The following GDF2 variants were observed in gnomAD, a reference collection of about 807,000 sequenced individuals.
GDF2 encodes the protein growth/differentiation factor 2.
Under a neutral mutation model 16.9 loss-of-function variants are expected in GDF2, and 17 were observed. The observed-to-expected ratio is 1.00, with a 90% CI of 0.69 to 1.51. The LOEUF (loss-of-function observed/expected upper bound fraction) is 1.51. GDF2 is among the 40% of genes most tolerant of loss of function. The probability of loss-of-function intolerance (pLI) is 0.00; values close to 1 mark genes in which losing one functional copy is unlikely to be tolerated. For synonymous variants in GDF2, 276 were observed against 237.6 expected, an observed-to-expected ratio of 1.16 and a Z score of -1.49; for missense variants, 523 against 556.3, an observed-to-expected ratio of 0.94 and a Z score of 0.60.
Position 47,325,030 on chromosome 10 carries a change from C to T in GDF2, c.536C>T (p.Thr179Ile). The T allele has an allele frequency of 6.2e-7, 1 of 1,614,096 alleles. No individual in the cohort carries two copies. Among genetic ancestry groups the T allele is most frequent in the Non-Finnish European group, 8.5e-7 (1 of 1,180,032 alleles). ...SVVIYDVLDG[T>I]DAWDSATETK... ...GTCATTTATGATGTTCTGGATGGAACAGATGCCTGGGATAGTGCTACAGAG... is the reference window on the plus strand; with the variant it reads ...GTCATTTATGATGTTCTGGATGGAATAGATGCCTGGGATAGTGCTACAGAG... The change falls in exon 2 of 2, where the codon ACA (threonine) becomes ATA (isoleucine). Residue 179 changes from threonine (T) to isoleucine (I), a missense_variant. By Grantham distance (89) the Thr-to-Ile change is moderately conservative (BLOSUM62 -1). Transcript: ENST00000581492.
intron 1 of GDF2, among the ~76,000 whole-genome samples, chr10:47,324,073 A>C (rs542354601): frequency 2.6e-4 from 40 of 152,392 alleles, no homozygotes; most frequent in Admixed American, 5.2e-4. Flanking sequence ...TGAACCAGCC[A>C]TTGTATAGCA....
At position 47,326,048 on chromosome 10, in the gene GDF2, G is replaced by T; in HGVS notation, c.*264G>T. 2 of 390,862 alleles carry T rather than the reference G, an allele frequency of 5.1e-6. No homozygotes were observed. The highest frequency in any genetic ancestry group is 4.6e-6 in the Non-Finnish European group (1 of 218,748). 24.2% of individuals were successfully genotyped at this position (390,862 alleles called of 1,614,324 possible). ...AAGGAGGTGATGAAAAGGAGACAGG[G>T]GGAAAAATAATCCATAGTCAGCAGA... On this transcript the variant is annotated 3_prime_UTR_variant, in exon 2 of 2. Coordinates refer to ENST00000581492, the MANE Select transcript of GDF2 (RefSeq NM_016204.4).
At position 47,325,828 on chromosome 10, in the gene GDF2, A is replaced by G; in HGVS notation, c.*44A>G. 7.4e-7 allele frequency: 1 copy of G among 1,355,636 alleles called. No homozygotes were observed. The allele number at this position is 1,355,636 out of a possible 1,614,324, so 84.0% of individuals were successfully genotyped here. Reference sequence around the variant, plus strand: ...GGGAGGCAGGCCAAAGGGGCTCCACATGAGAGGTCCTGCATGCCCCTGGGC... The same window carrying G: ...GGGAGGCAGGCCAAAGGGGCTCCACGTGAGAGGTCCTGCATGCCCCTGGGC... On this transcript the variant is annotated 3_prime_UTR_variant, in exon 2 of 2. Coordinates refer to ENST00000581492, the MANE Select transcript of GDF2 (RefSeq NM_016204.4).
In GDF2 at chr10:47,325,303, T is replaced by C; in HGVS notation, c.809T>C (p.Leu270Pro). The C allele has an allele frequency of 6.2e-7, 1 of 1,614,152 alleles. No homozygotes were observed. The change falls in exon 2 of 2, where the codon CTG becomes CCG. Residue 270 changes from leucine to proline, a missense_variant. Transcript: ENST00000581492. ...AGCAGTGGGACCAAGGAGACCAGGC[T>C]GGAGCTGAGGGAGATGATCAGCCAT... ...DHSSGTKETR[L>P]ELREMISHEQ... is the part of the protein sequence containing the mutation.
rs1382998864 is a variant in GDF2, at chr10:47,326,446, G to A, written c.*662G>A. Among the ~76,000 whole-genome samples the A allele has an allele frequency of 1.3e-5, 2 of 152,228 alleles. No homozygotes were observed. Among genetic ancestry groups the A allele is most frequent in the African/African-American group, 4.8e-5 (2 of 41,456 alleles). On this transcript the variant is annotated 3_prime_UTR_variant, in exon 2 of 2. Coordinates refer to ENST00000581492, the MANE Select transcript of GDF2 (RefSeq NM_016204.4). ...GAGTGTTGAGGCCAGGCCAGGCTGAGGCCCATCAGTCACAGGTGTGACTGG... is the reference window on the plus strand; with the variant it reads ...GAGTGTTGAGGCCAGGCCAGGCTGAAGCCCATCAGTCACAGGTGTGACTGG...
chr10:47,325,144 C>T lies in GDF2; in HGVS notation c.650C>T (p.Ser217Phe). The T allele has an allele frequency of 6.2e-7, 1 of 1,613,874 alleles. No homozygotes were observed. Among genetic ancestry groups the T allele is most frequent in the Non-Finnish European group, 8.5e-7 (1 of 1,180,036 alleles). Reference protein sequence around the residue: ...VSSAVKRWVRSDSTKSKNKLE... With the variant: ...VSSAVKRWVRFDSTKSKNKLE... ...AGCGCCGTGAAGCGCTGGGTCCGGTCCGACTCCACCAAGAGCAAAAATAAG... is the reference window on the plus strand; with the variant it reads ...AGCGCCGTGAAGCGCTGGGTCCGGTTCGACTCCACCAAGAGCAAAAATAAG... Residue 217 changes from serine (S) to phenylalanine (F), a missense_variant, in exon 2 of 2, where the codon TCC (serine) becomes TTC (phenylalanine). Coordinates refer to ENST00000581492, the MANE Select transcript of GDF2 (RefSeq NM_016204.4).
chr10:47,325,292 G>A lies in GDF2; in HGVS notation c.798G>A (p.Lys266=). ...VFSNDHSSGT[K]ETRLELREMI... ...CCAATGACCACAGCAGTGGGACCAA[G>A]GAGACCAGGCTGGAGCTGAGGGAGA... Residue 266 remains lysine (K), a synonymous_variant, in exon 2 of 2, where the codon AAG becomes AAA. Coordinates refer to ENST00000581492, the MANE Select transcript of GDF2 (RefSeq NM_016204.4). The A allele has an allele frequency of 6.2e-7, 1 of 1,614,216 alleles. No individual in the cohort carries two copies. The highest frequency in any genetic ancestry group is 8.5e-7 in the Non-Finnish European group (1 of 1,180,048).
At position 47,325,725 on chromosome 10, in the gene GDF2, G is replaced by A; in HGVS notation, c.1231G>A (p.Val411Met). The A allele has an allele frequency of 6.3e-7, 1 of 1,581,214 alleles. No individual in the cohort carries two copies. The highest frequency in any genetic ancestry group is 8.6e-7 in the Non-Finnish European group (1 of 1,161,794). ...ISVLYKDDMG[V>M]PTLKYHYEGM... is the part of the protein sequence containing the mutation. ...CGTCCTCTACAAGGATGACATGGGG[G>A]TGCCCACCCTCAAGTACCATTACGA... Residue 411 changes from valine to methionine, a missense_variant, in exon 2 of 2, where the codon GTG becomes ATG. Coordinates refer to ENST00000581492, the MANE Select transcript of GDF2 (RefSeq NM_016204.4).
At position 47,325,919 on chromosome 10, in the gene GDF2, C is replaced by A. The variant is rs192292614; in HGVS notation, c.*135C>A. On this transcript the variant is annotated 3_prime_UTR_variant, in exon 2 of 2. Transcript: ENST00000581492. ...GGAAAGGGAGCCTGCTCTCCCTCCC[C>A]ACACCCCACCCAAAGCATACACCGC... 1.7e-4 allele frequency: 111 copies of A among 634,506 alleles called. 1 individual carries two copies. The Middle Eastern group carries it at 2.2e-3, about 12-fold the overall frequency. 39.3% of individuals were successfully genotyped at this position (634,506 alleles called of 1,614,324 possible).
At chr10:47,323,816 G>T (rs1332365126) in intron 1 of GDF2, among the ~76,000 whole-genome samples, 1 of 152,220 alleles carries the variant, frequency 6.6e-6, no homozygotes, top group Non-Finnish European at 1.5e-5. Context: ...TGCAGAGCTG[G>T]CTTTTCCTGC....
In GDF2 at chr10:47,322,475, C is replaced by T. The variant is rs1334633838; in HGVS notation, c.-194C>T. 1 of 510,132 alleles carries T rather than the reference C, an allele frequency of 2.0e-6. No homozygotes were observed. The allele number at this position is 510,132 out of a possible 1,614,324, so 31.6% of individuals were successfully genotyped here. On this transcript the variant is annotated 5_prime_UTR_variant, in exon 1 of 2. Coordinates refer to ENST00000581492, the MANE Select transcript of GDF2 (RefSeq NM_016204.4). ...CCTCAGATAAGACGTCGGAGCGCGG[C>T]ATCGAGGACCAGATAAGCACAAGTG...
Position 47,326,032 on chromosome 10 carries a change from A to T in GDF2, c.*248A>T. 2.4e-6 allele frequency: 1 copy of T among 415,814 alleles called. No individual in the cohort carries two copies. The highest frequency in any genetic ancestry group is 4.3e-6 in the Non-Finnish European group (1 of 235,112). 25.8% of individuals were successfully genotyped at this position (415,814 alleles called of 1,614,324 possible). ...AGGGTTGTTGGGATGCAAGGAGGTGATGAAAAGGAGACAGGGGGAAAAATA... is the reference window on the plus strand; with the variant it reads ...AGGGTTGTTGGGATGCAAGGAGGTGTTGAAAAGGAGACAGGGGGAAAAATA... On this transcript the variant is annotated 3_prime_UTR_variant, in exon 2 of 2. Transcript: ENST00000581492.
chr10:47,324,918 C>T lies in GDF2; in HGVS notation c.424C>T (p.His142Tyr). Reference protein sequence around the residue: ...ILLFNISIPRHEQITRAELRL... With the variant: ...ILLFNISIPRYEQITRAELRL... ...GCTCTTCAACATCTCCATTCCTAGGCATGAGCAGATCACCAGAGCTGAGCT... is the reference window on the plus strand; with the variant it reads ...GCTCTTCAACATCTCCATTCCTAGGTATGAGCAGATCACCAGAGCTGAGCT... Residue 142 changes from histidine (H) to tyrosine (Y), a missense_variant, in exon 2 of 2, where the codon CAT (histidine) becomes TAT (tyrosine). By Grantham distance (83) the His-to-Tyr change is moderately conservative. Transcript: ENST00000581492. The T allele has an allele frequency of 6.2e-7, 1 of 1,613,956 alleles. No individual in the cohort carries two copies. The highest frequency in any genetic ancestry group is 8.5e-7 in the Non-Finnish European group (1 of 1,179,980).
At position 47,325,836 on chromosome 10, in the gene GDF2, T is replaced by A; in HGVS notation, c.*52T>A. The A allele has an allele frequency of 7.8e-7, 1 of 1,279,850 alleles. No homozygotes were observed. The highest frequency in any genetic ancestry group is 1.5e-5 in the South Asian group (1 of 65,192). The allele number at this position is 1,279,850 out of a possible 1,614,324, so 79.3% of individuals were successfully genotyped here. A position where few individuals can be genotyped will look rare whatever the true frequency, so the allele number is the denominator to read the frequency against. On this transcript the variant is annotated 3_prime_UTR_variant, in exon 2 of 2. Transcript: ENST00000581492. ...GGCCAAAGGGGCTCCACATGAGAGG[T>A]CCTGCATGCCCCTGGGCACAACAAG...
In GDF2 at chr10:47,325,113, G is replaced by C. The variant is rs148262680; in HGVS notation, c.619G>C (p.Val207Leu). The change falls in exon 2 of 2, where the codon GTG becomes CTG. Residue 207 changes from valine (V) to leucine (L), a missense_variant. Coordinates refer to ENST00000581492, the MANE Select transcript of GDF2 (RefSeq NM_016204.4). ...GGATGAGGGCTGGGAGACCTTGGAA[G>C]TGTCCAGCGCCGTGAAGCGCTGGGT... is the stretch of plus-strand genomic sequence containing the variant. Reference protein sequence around the residue: ...IQDEGWETLEVSSAVKRWVRS... With the variant: ...IQDEGWETLELSSAVKRWVRS... 6.2e-7 allele frequency: 1 copy of C among 1,614,058 alleles called. No homozygotes were observed. Among genetic ancestry groups the C allele is most frequent in the South Asian group, 1.1e-5 (1 of 91,078 alleles).
rs1379480260 is a variant in GDF2, at chr10:47,326,094, A to T, written c.*310A>T. On this transcript the variant is annotated 3_prime_UTR_variant, in exon 2 of 2. Transcript: ENST00000581492. The stretch of plus-strand genomic sequence containing the variant: ...GCAGAAAACAACAGCAGTGAGCCAG[A>T]GGAGCACAGGCGGGCAGGTCACTGC... 2 of 275,540 alleles carry T rather than the reference A, an allele frequency of 7.3e-6. No homozygotes were observed. Among genetic ancestry groups the T allele is most frequent in the Non-Finnish European group, 1.4e-5 (2 of 146,238 alleles). 17.1% of individuals were successfully genotyped at this position (275,540 alleles called of 1,614,324 possible). A position where few individuals can be genotyped will look rare whatever the true frequency, so the allele number is the denominator to read the frequency against.
rs2061108695 is a variant in GDF2 at position 47,326,659 on chromosome 10, C to G, written c.*875C>G. ...ACTGTGGCTGGAGTTATTGTGACCC[C>G]CTGGTGCAGTGCTCCCACGGCCAGT... On this transcript the variant is annotated 3_prime_UTR_variant, in exon 2 of 2. Coordinates refer to ENST00000581492, the MANE Select transcript of GDF2 (RefSeq NM_016204.4). 6.6e-6 allele frequency among the ~76,000 whole-genome samples: 1 copy of G among 152,222 alleles called. No individual in the cohort carries two copies. The highest frequency in any genetic ancestry group is 2.4e-5 in the African/African-American group (1 of 41,474).
Position 47,325,280 on chromosome 10 carries a change from C to T in GDF2, c.786C>T (p.Ser262=), listed in dbSNP as rs782531527. 6.2e-7 allele frequency: 1 copy of T among 1,614,168 alleles called. No individual in the cohort carries two copies. Among genetic ancestry groups the T allele is most frequent in the Admixed American group, 1.7e-5 (1 of 60,034 alleles). ...PFFVVFSNDH[S]SGTKETRLEL... ...TTGTTGTCTTCTCCAATGACCACAG[C>T]AGTGGGACCAAGGAGACCAGGCTGG... Residue 262 remains serine (S), a synonymous_variant, in exon 2 of 2, where the codon AGC becomes AGT. Coordinates refer to ENST00000581492, the MANE Select transcript of GDF2 (RefSeq NM_016204.4).
Position 47,322,533 on chromosome 10 carries a change from G to C in GDF2, c.-136G>C. The C allele has an allele frequency of 1.6e-6, 1 of 627,890 alleles. No homozygotes were observed. The highest frequency in any genetic ancestry group is 2.7e-5 in the South Asian group (1 of 37,470). The allele number at this position is 627,890 out of a possible 1,614,324, so 38.9% of individuals were successfully genotyped here. On this transcript the variant is annotated 5_prime_UTR_variant, in exon 1 of 2. Transcript: ENST00000581492. ...ATCCAGCCCGGCAGCGGGTGAGAGTGGGTGCTGGCCAGGACGGTTCCTTCA... is the reference window on the plus strand; with the variant it reads ...ATCCAGCCCGGCAGCGGGTGAGAGTCGGTGCTGGCCAGGACGGTTCCTTCA...
Sources: gnomAD v4.1 joint callset for allele counts (sites outside exome capture counted in the v4.1 genomes callset) on GRCh38, gnomAD v4.1.1 for gene constraint, MANE v1.5 for transcripts, NCBI Gene and HGNC (gene_info 2026-07-23, HGNC 2026-07-21) for gene names.